The following CDH11 variants were observed in gnomAD, a reference collection of about 807,000 sequenced individuals.
The protein encoded by CDH11 is cadherin-11.
A neutral mutation model predicts 67.8 loss-of-function variants in CDH11; 11 were observed. The ratio of observed to expected loss-of-function variants is 0.16; its 90% CI spans 0.10 to 0.27. The LOEUF (loss-of-function observed/expected upper bound fraction) is 0.27, where lower values mean the gene tolerates loss of function less well. CDH11 is among the 10% of genes least tolerant of loss of function. The probability of loss-of-function intolerance (pLI) is 1.00; values close to 1 mark genes in which losing one functional copy is unlikely to be tolerated. For synonymous variants in CDH11, 419 were observed against 400.0 expected (o/e 1.05, Z -0.57); for missense variants, 847 against 1,031.2 (o/e 0.82, Z 2.45).
At chr16:65,020,231 A>G (rs1028401181) in intron 2 of CDH11, among the ~76,000 whole-genome samples, 1 of 152,240 alleles carries the variant, frequency 6.6e-6, no homozygotes, top group Non-Finnish European at 1.5e-5. Flanking sequence ...TTATCAAAAG[A>G]CAATGAAGCA....
chr16:64,979,057 A>C (rs1257932647), intron 8 of CDH11, among the ~76,000 whole-genome samples: 2 of 152,198 alleles, frequency 1.3e-5, no homozygotes, highest in Non-Finnish European at 2.9e-5. Flanking sequence ...GAGCTCTTAC[A>C]ACAACAGTAA....
At chr16:64,963,975 G>C (rs890871711) in intron 11 of CDH11, among the ~76,000 whole-genome samples, 2 of 152,172 alleles carry the variant, frequency 1.3e-5, no homozygotes, top group East Asian at 3.9e-4. Context: ...TTAGAGGGAA[G>C]AACATGGGTC....
chr16:65,027,034 G>A (rs1389853576), intron 2 of CDH11, among the ~76,000 whole-genome samples: 4 of 152,118 alleles, frequency 2.6e-5, no homozygotes, highest in Admixed American at 6.6e-5. Flanking sequence ...AAGGAGTTAC[G>A]TGGTTGTAGA....
intron 3 of CDH11, among the ~76,000 whole-genome samples, chr16:65,003,775 T>A (rs915514109): frequency 2.0e-5 from 3 of 152,142 alleles, no homozygotes; most frequent in African/African-American, 7.2e-5. Context: ...GAAACAGGGA[T>A]AAAACCACAC....
intron 2 of CDH11, among the ~76,000 whole-genome samples, chr16:65,034,766 A>G (rs1041379267): frequency 6.6e-6 from 1 of 152,194 alleles, no homozygotes; most frequent in Non-Finnish European, 1.5e-5. Context: ...GTTAGTCACC[A>G]TAACAGGGTG....
At chr16:65,119,856 C>T (rs1333798020) in intron 1 of CDH11, among the ~76,000 whole-genome samples, 1 of 152,194 alleles carries the variant, frequency 6.6e-6, no homozygotes, top group Admixed American at 6.5e-5. Flanking sequence ...GTTTCCTGGC[C>T]TTTCAGATGC....
At chr16:65,027,038 T>C (rs2073548010) in intron 2 of CDH11, among the ~76,000 whole-genome samples, 1 of 152,122 alleles carries the variant, frequency 6.6e-6, no homozygotes, top group Non-Finnish European at 1.5e-5. Context: ...AGTTACGTGG[T>C]TGTAGAGGCA....
intron 4 of CDH11, among the ~76,000 whole-genome samples, chr16:64,997,011 C>T (rs1217264635): frequency 1.3e-5 from 2 of 151,894 alleles, no homozygotes; most frequent in East Asian, 3.9e-4. Flanking sequence ...AATAAACCTG[C>T]ACATGGGCCG....
chr16:65,089,677 T>C (rs998513056), intron 1 of CDH11, among the ~76,000 whole-genome samples: 2 of 152,186 alleles, frequency 1.3e-5, no homozygotes, highest in Non-Finnish European at 2.9e-5. Context: ...AAGCCAATTC[T>C]AATGAATTGT....
intron 2 of CDH11, among the ~76,000 whole-genome samples, chr16:65,019,801 C>T (rs1336019572): frequency 6.6e-6 from 1 of 151,906 alleles, no homozygotes; most frequent in Non-Finnish European, 1.5e-5. Context: ...GAATTATTTA[C>T]AAGGTTAATT....
At chr16:65,091,773 G>A (rs544774836) in intron 1 of CDH11, among the ~76,000 whole-genome samples, 10 of 151,764 alleles carry the variant, frequency 6.6e-5, no homozygotes, top group African/African-American at 1.2e-4. Context: ...GGATGGTCTC[G>A]ATCTCCCAAC....
intron 1 of CDH11, chr16:65,094,460 G>A (rs558424148): frequency 2.0e-5 from 3 of 151,286 alleles, no homozygotes; most frequent in Non-Finnish European, 4.4e-5. Flanking sequence ...CACACACACA[G>A]TAGATATGTA....
At chr16:64,958,450 T>G (rs1034195183) in intron 11 of CDH11, among the ~76,000 whole-genome samples, 2 of 152,222 alleles carry the variant, frequency 1.3e-5, no homozygotes, top group Non-Finnish European at 2.9e-5. Context: ...CAACATTGAT[T>G]GAACTGCTAA....
intron 5 of CDH11, among the ~76,000 whole-genome samples, chr16:64,992,302 A>G (rs763971781): frequency 2.0e-4 from 30 of 152,338 alleles, no homozygotes; most frequent in South Asian, 6.2e-4. Context: ...CTATTGCTAC[A>G]TACAATTCAT....
At chr16:65,056,640 A>G (rs988257993) in intron 1 of CDH11, among the ~76,000 whole-genome samples, 2 of 152,182 alleles carry the variant, frequency 1.3e-5, no homozygotes, top group African/African-American at 2.4e-5. Context: ...CTACAACACA[A>G]AAAGGTAAGA....
Position 65,004,713 on chromosome 16 carries a change from G to A in CDH11, c.157C>T (p.Arg53Cys), listed in dbSNP as rs745457288. The A allele has an allele frequency of 1.2e-6, 2 of 1,613,936 alleles. No individual in the cohort carries two copies. The highest frequency in any genetic ancestry group is 1.7e-6 in the Non-Finnish European group (2 of 1,180,002). Residue 53 changes from arginine (R) to cysteine (C), a missense_variant, in exon 3 of 13, where the codon CGT (arginine) becomes TGT (cysteine). Transcript: ENST00000268603. ...KEGQVLQRSKRGWVWNQFFVI... is the reference protein window; with the variant it reads ...KEGQVLQRSKCGWVWNQFFVI... ...AAGAACTGGTTCCAGACCCAGCCAC[G>A]CTTGGAGCGCTGTAGCACCTGCCCC...
At chr16:64,965,277 G>T (rs992091610) in intron 11 of CDH11, among the ~76,000 whole-genome samples, 1 of 151,448 alleles carries the variant, frequency 6.6e-6, no homozygotes, top group African/African-American at 2.4e-5. Context: ...AGCTACCTGG[G>T]AGTCTGAGGC....
Position 64,982,236 on chromosome 16 carries a change from G to C in CDH11, c.1065C>G (p.Asp355Glu), listed in dbSNP as rs2072371768. Residue 355 changes from aspartate to glutamate, a missense_variant, in exon 8 of 13, where the codon GAC becomes GAG. Asp to Glu is a conservative substitution (Grantham distance 45). Coordinates refer to ENST00000268603, the MANE Select transcript of CDH11 (RefSeq NM_001797.4). ...LKVEAANVHIDPKFISNGPFK... is the reference protein window; with the variant it reads ...LKVEAANVHIEPKFISNGPFK... ...AAGGGCCATTGCTGATAAACTTCGG[G>C]TCGATGTGCACGTTGGCTGCCTCTA... 1 of 1,613,522 alleles carries C rather than the reference G, an allele frequency of 6.2e-7. No individual in the cohort carries two copies. Among genetic ancestry groups the C allele is most frequent in the African/African-American group, 1.3e-5 (1 of 74,894 alleles).
At chr16:65,032,324 CAAAAA>C (rs35617108) in intron 2 of CDH11, among the ~76,000 whole-genome samples, 1 of 109,396 alleles carries the variant, frequency 9.1e-6, no homozygotes, top group Non-Finnish European at 2.0e-5. Context: ...CTGTCTCTCC[CAAAAA>C]AAAAAAAAAA....
Sources: gnomAD v4.1 joint callset for allele counts (sites outside exome capture counted in the v4.1 genomes callset) on GRCh38, gnomAD v4.1.1 for gene constraint, MANE v1.5 for transcripts, NCBI Gene and HGNC (gene_info 2026-07-23, HGNC 2026-07-21) for gene names.